LAMA2: variants seen among roughly 807,000 people sequenced by gnomAD.
LAMA2 encodes laminin subunit alpha 2.
LAMA2 carries 269 observed loss-of-function variants against 364.8 expected under a neutral mutation model. That is an observed-to-expected ratio of 0.74 (90% CI 0.67 to 0.82). The LOEUF is 0.82. LAMA2 is among the 40% of genes least tolerant of loss of function. LAMA2 has a pLI of 0.00. For missense variants in LAMA2, 3,807 were observed against 3,873.2 expected, an observed-to-expected ratio of 0.98 and a Z score of 0.45; for synonymous variants, 1,379 against 1,370.6, an observed-to-expected ratio of 1.01 and a Z score of -0.14.
chr6:129,395,952 A>T (rs1779593081), intron 37 of LAMA2, among the ~76,000 whole-genome samples: 1 of 152,192 alleles, frequency 6.6e-6, no homozygotes, highest in South Asian at 2.1e-4. Context: ...GAAAGAGAAG[A>T]TAGGCAGAGT....
At chr6:129,240,999 A>G (rs1259656648) in intron 12 of LAMA2, among the ~76,000 whole-genome samples, 1 of 152,230 alleles carries the variant, frequency 6.6e-6, no homozygotes. Context: ...TAAGCTTTTT[A>G]TAGGTAAGCT....
intron 5 of LAMA2, among the ~76,000 whole-genome samples, chr6:129,146,079 C>T (rs1039575911): frequency 4.7e-5 from 7 of 149,692 alleles, no homozygotes; most frequent in African/African-American, 1.8e-4. Flanking sequence ...GAAAAAGAAA[C>T]AAAGAAGTAA....
intron 48 of LAMA2, among the ~76,000 whole-genome samples, chr6:129,459,748 C>G (rs1783150791): frequency 6.6e-6 from 1 of 151,912 alleles, no homozygotes; most frequent in South Asian, 2.1e-4. Flanking sequence ...CCAAATTTGC[C>G]CAAAGAAAAT....
At chr6:129,024,096 A>G (rs965050816) in intron 1 of LAMA2, among the ~76,000 whole-genome samples, 1 of 152,136 alleles carries the variant, frequency 6.6e-6, no homozygotes, top group East Asian at 1.9e-4. Flanking sequence ...GTATCTGGGA[A>G]AAGTCCGGTC....
intron 3 of LAMA2, among the ~76,000 whole-genome samples, chr6:129,093,783 G>C (rs1448507183): frequency 1.3e-5 from 2 of 152,182 alleles, no homozygotes; most frequent in Admixed American, 6.5e-5. Flanking sequence ...TCAAACACTT[G>C]ATATTGTTTT....
At chr6:129,515,099 A>G (rs144951849) in intron 64 of LAMA2, among the ~76,000 whole-genome samples, 2,623 of 152,312 alleles carry the variant, frequency 0.017, 142 homozygotes, top group Admixed American at 0.098. Flanking sequence ...ATCCTTCTCT[A>G]GCACATTAAA....
At chr6:129,267,880 A>G (rs1787624102) in intron 16 of LAMA2, among the ~76,000 whole-genome samples, 1 of 152,148 alleles carries the variant, frequency 6.6e-6, no homozygotes, top group South Asian at 2.1e-4. Flanking sequence ...CATTCTGATT[A>G]ACTCAAGGGC....
chr6:129,492,466 A>G lies in LAMA2; in HGVS notation c.8227A>G (p.Thr2743Ala). 2 of 1,609,302 alleles carry G rather than the reference A, an allele frequency of 1.2e-6. No homozygotes were observed. The highest frequency in any genetic ancestry group is 1.3e-5 in the African/African-American group (1 of 74,716). Residue 2743 changes from threonine to alanine, a missense_variant, in exon 58 of 65, where the codon ACC becomes GCC. Physicochemically the swap from Thr to Ala is moderately conservative, Grantham distance 58. Coordinates refer to ENST00000421865, the MANE Select transcript of LAMA2 (RefSeq NM_000426.4). ...TCCCACCCCAGCCTTTCCTACGCCC[A>G]CCCCAGTTCTGACACATGTAAGTGT... ...PVPTPAFPTPTPVLTHGPCAA... is the reference protein window; with the variant it reads ...PVPTPAFPTPAPVLTHGPCAA...
rs556377897 is a variant in LAMA2, at chr6:129,172,405, C to T, written c.1307-5301C>T. On this transcript the variant is annotated intron_variant, in intron 9 of 64. Coordinates refer to ENST00000421865, the MANE Select transcript of LAMA2 (RefSeq NM_000426.4). ...TTTTCCTTCTAACAGACAGGAACCT[C>T]AGCTGCAGGTCTGTTGCAATACCCT... 7.9e-5 allele frequency among the ~76,000 whole-genome samples: 12 copies of T among 152,330 alleles called. No homozygotes were observed. The South Asian group carries it at 1.9e-3, about 24-fold the overall frequency.
At chr6:129,112,017 A>G (rs1416793810) in intron 4 of LAMA2, among the ~76,000 whole-genome samples, 1 of 151,934 alleles carries the variant, frequency 6.6e-6, no homozygotes, top group African/African-American at 2.4e-5. Flanking sequence ...TGTTACCCTT[A>G]TATGTATTGT....
intron 52 of LAMA2, among the ~76,000 whole-genome samples, chr6:129,474,604 T>C (rs1404754325): frequency 6.6e-6 from 1 of 152,104 alleles, no homozygotes; most frequent in Non-Finnish European, 1.5e-5. Flanking sequence ...AAATCTAAGA[T>C]TTGCTTTACA....
intron 1 of LAMA2, among the ~76,000 whole-genome samples, chr6:128,966,910 C>A (rs915914772): frequency 3.3e-5 from 5 of 152,128 alleles, no homozygotes; most frequent in Admixed American, 1.3e-4. Flanking sequence ...AATTAAATTT[C>A]ATTGTAGATG....
intron 53 of LAMA2, among the ~76,000 whole-genome samples, chr6:129,477,123 T>TATC (rs908595440): frequency 6.6e-6 from 1 of 152,174 alleles, no homozygotes; most frequent in Non-Finnish European, 1.5e-5. Context: ...CATAAAGAAT[T>TATC]ATCTTTTTCA....
At chr6:129,405,112 TGTTA>T (rs939222942) in intron 40 of LAMA2, among the ~76,000 whole-genome samples, 8 of 152,132 alleles carry the variant, frequency 5.3e-5, no homozygotes, top group East Asian at 1.9e-4. Flanking sequence ...ATCCATCTTC[TGTTA>T]GATAATTTTC....
At chr6:128,883,498 TGAAG>T (rs2114358407) in intron 1 of LAMA2, 141 bp downstream of exon 1, 1 of 1,396,224 alleles carries the variant, frequency 7.2e-7, no homozygotes, top group African/African-American at 1.4e-5. Context: ...AAGAGGAACT[TGAAG>T]CAAGTTCAAG....
intron 29 of LAMA2, among the ~76,000 whole-genome samples, chr6:129,336,578 T>C (rs1302157007): frequency 1.3e-5 from 2 of 152,234 alleles, no homozygotes; most frequent in Non-Finnish European, 2.9e-5. Context: ...TCTTCTTTTA[T>C]TGTTGATGAA....
At chr6:129,172,550 G>A (rs562059282) in intron 9 of LAMA2, among the ~76,000 whole-genome samples, 12 of 152,236 alleles carry the variant, frequency 7.9e-5, no homozygotes, top group African/African-American at 2.7e-4. Context: ...CTCCAGCTGC[G>A]TGCTGGGAGA....
At chr6:129,120,144 C>G (rs188147811) in intron 4 of LAMA2, among the ~76,000 whole-genome samples, 16 of 152,256 alleles carry the variant, frequency 1.1e-4, no homozygotes, top group Non-Finnish European at 1.6e-4. Flanking sequence ...GATATTCCAG[C>G]CTGAGTCCCT....
chr6:129,330,756 CT>C (rs1775599286), intron 29 of LAMA2, among the ~76,000 whole-genome samples: 1 of 151,924 alleles, frequency 6.6e-6, no homozygotes, highest in Non-Finnish European at 1.5e-5. Flanking sequence ...TAGTCATGAT[CT>C]TTCATTGGTA....
Sources: gnomAD v4.1 joint callset for allele counts (sites outside exome capture counted in the v4.1 genomes callset) on GRCh38, gnomAD v4.1.1 for gene constraint, MANE v1.5 for transcripts, NCBI Gene and HGNC (gene_info 2026-07-23, HGNC 2026-07-21) for gene names.